CNTNAP3B: variants seen among roughly 807,000 people sequenced by gnomAD.
CNTNAP3B encodes the protein contactin associated protein family member 3B.
In CNTNAP3B, 25 loss-of-function variants were observed where a neutral mutation model predicts 108.9. The ratio of observed to expected loss-of-function variants is 0.23; its 90% CI spans 0.17 to 0.32. The LOEUF (loss-of-function observed/expected upper bound fraction) is 0.32. Ranked by LOEUF, CNTNAP3B falls within the 10% of genes least tolerant of loss-of-function variation. The pLI is 1.00. For missense variants in CNTNAP3B, 252 were observed against 1,210.4 expected (o/e 0.21, Z 11.75); for synonymous variants, 103 against 473.4 (o/e 0.22, Z 10.16).
In CNTNAP3B at chr9:42,030,750, CAGAGAGAGAGAGAGAGAG is replaced by C. The variant is rs34457074; in HGVS notation, c.391-17243_391-17226del. Among the ~76,000 whole-genome samples the C allele has an allele frequency of 5.5e-4, 33 of 60,436 alleles. 1 individual carries two copies. The highest frequency in any genetic ancestry group is 2.5e-3 in the African/African-American group (32 of 13,058). The allele number at this position is 60,436 out of a possible 152,430, so 39.6% of individuals were successfully genotyped here. A position where few individuals can be genotyped will look rare whatever the true frequency, so the allele number is the denominator to read the frequency against. On this transcript the variant is annotated intron_variant, in intron 3 of 23. Transcript: ENST00000377561. ...CGGAGAAGGGAGTGAGAAAGAGATA[CAGAGAGAGAGAGAGAGAG>C]AGAGAGAGAGAGAGAGATGTGTGCG...
intron 15 of CNTNAP3B, among the ~76,000 whole-genome samples, chr9:41,928,303 T>A (rs1823875001): frequency 1.3e-5 from 2 of 152,108 alleles, no homozygotes; most frequent in African/African-American, 4.8e-5. Context: ...ATCTCCAAAT[T>A]TCACAGGGCA....
At chr9:41,951,237 CA>C (rs1407149006) in intron 13 of CNTNAP3B, among the ~76,000 whole-genome samples, 1 of 146,244 alleles carries the variant, frequency 6.8e-6, no homozygotes, top group Non-Finnish European at 1.5e-5. Flanking sequence ...ACAATTATCT[CA>C]AAATTTTTTT....
chr9:41,924,579 G>T (rs1282363902), intron 15 of CNTNAP3B, among the ~76,000 whole-genome samples: 4 of 151,948 alleles, frequency 2.6e-5, no homozygotes, highest in African/African-American at 9.7e-5. Context: ...TCCAAGTGGA[G>T]ATTTGAAGGA....
rs1173950091 is a variant in CNTNAP3B at position 42,120,840 on chromosome 9, G to T, written c.85+8170C>A. Among the ~76,000 whole-genome samples the T allele has an allele frequency of 3.7e-5, 3 of 81,294 alleles. 1 individual carries two copies. Among genetic ancestry groups the T allele is most frequent in the African/African-American group, 1.7e-4 (3 of 17,614 alleles). The allele number at this position is 81,294 out of a possible 152,430, so 53.3% of individuals were successfully genotyped here. ...ACTGTCGCGGGGTGGGGGGAGGGGG[G>T]AGGGATAGCATTAGGAGATATACCT... On this transcript the variant is annotated intron_variant, in intron 1 of 23. Coordinates refer to ENST00000377561, the MANE Select transcript of CNTNAP3B (RefSeq NM_001201380.3).
chr9:41,937,570 A>G (rs2118055600), intron 14 of CNTNAP3B, among the ~76,000 whole-genome samples: 1 of 152,352 alleles, frequency 6.6e-6, no homozygotes, highest in South Asian at 2.1e-4. Context: ...TTTCAAGAAT[A>G]ACCTCAAAAA....
intron 18 of CNTNAP3B, among the ~76,000 whole-genome samples, chr9:41,918,247 C>T (rs1033163339): frequency 8.0e-5 from 12 of 150,526 alleles, no homozygotes; most frequent in Non-Finnish European, 3.0e-5. Context: ...GACCAACCCT[C>T]CTTCAAGGTC....
chr9:41,954,968 G>A (rs1369073720), intron 12 of CNTNAP3B, among the ~76,000 whole-genome samples: 16 of 151,758 alleles, frequency 1.1e-4, no homozygotes, highest in African/African-American at 3.4e-4. Flanking sequence ...TTACAGGTGT[G>A]AGCCACCACG....
chr9:42,073,841 A>G (rs957462028), intron 3 of CNTNAP3B, among the ~76,000 whole-genome samples: 6 of 150,348 alleles, frequency 4.0e-5, no homozygotes, highest in African/African-American at 1.5e-4. Context: ...TAGCAGTTCA[A>G]GAAACGCGAA....
intron 2 of CNTNAP3B, among the ~76,000 whole-genome samples, chr9:42,080,212 T>A: frequency 7.3e-6 from 1 of 137,188 alleles, no homozygotes; most frequent in Non-Finnish European, 1.6e-5. Flanking sequence ...TCACAGTTTG[T>A]TAGTTTGTTG....
At chr9:41,944,994 A>G (rs1422808486) in intron 13 of CNTNAP3B, among the ~76,000 whole-genome samples, 1 of 151,394 alleles carries the variant, frequency 6.6e-6, no homozygotes, top group Admixed American at 6.6e-5. Flanking sequence ...ACATTTATGC[A>G]GCCAACAGAC....
chr9:42,066,231 C>A (rs1167712066), intron 3 of CNTNAP3B, among the ~76,000 whole-genome samples: 1 of 135,526 alleles, frequency 7.4e-6, no homozygotes. Context: ...ATGTTTTAAC[C>A]TTTCTTTTCC....
chr9:41,999,675 C>A (rs1260819493), intron 4 of CNTNAP3B, among the ~76,000 whole-genome samples: 1 of 49,220 alleles, frequency 2.0e-5, no homozygotes, highest in African/African-American at 1.1e-4. Context: ...ATGGCCTTAA[C>A]ACCTCTGTTT....
intron 12 of CNTNAP3B, among the ~76,000 whole-genome samples, chr9:41,958,983 C>T (rs1414187958): frequency 1.4e-5 from 2 of 140,102 alleles, no homozygotes; most frequent in East Asian, 2.0e-4. Flanking sequence ...CCACATCAAA[C>T]ATCCAACAAT....
At chr9:42,076,767 C>A (rs1214772125) in intron 3 of CNTNAP3B, 102 bp downstream of exon 3, 1 of 724,748 alleles carries the variant, frequency 1.4e-6, no homozygotes, top group Admixed American at 3.2e-5. Context: ...AAATAGGTAT[C>A]TTACTTTCAC....
In CNTNAP3B at chr9:41,924,644, T is replaced by TGCGCGCGCGCAC. The variant is rs1482014228; in HGVS notation, c.2366-552_2366-551insGTGCGCGCGCGC. Among the ~76,000 whole-genome samples, 885 of 93,774 alleles carry TGCGCGCGCGCAC rather than the reference T, an allele frequency of 9.4e-3. 2 individuals are homozygous for TGCGCGCGCGCAC. The highest frequency in any genetic ancestry group is 0.026 in the African/African-American group (620 of 23,780). 61.5% of individuals were successfully genotyped at this position (93,774 alleles called of 152,430 possible). On this transcript the variant is annotated intron_variant, in intron 15 of 23. Coordinates refer to ENST00000377561, the MANE Select transcript of CNTNAP3B (RefSeq NM_001201380.3). ...GAACACAGACTCTTGCTTTCCTTCC[T>TGCGCGCGCGCAC]GCACACACACACACACACACACACA...
intron 17 of CNTNAP3B, among the ~76,000 whole-genome samples, chr9:41,921,537 C>T (rs1823667052): frequency 6.6e-6 from 1 of 152,062 alleles, no homozygotes; most frequent in Non-Finnish European, 1.5e-5. Flanking sequence ...TAGATTGCAT[C>T]CTTATTCGCT....
chr9:41,921,394 T>C (rs1823663526), intron 17 of CNTNAP3B, among the ~76,000 whole-genome samples: 1 of 151,908 alleles, frequency 6.6e-6, no homozygotes, highest in Non-Finnish European at 1.5e-5. Context: ...TTTTAGGAAG[T>C]CATGGTATAA....
At chr9:41,963,137 T>A (rs1295442405) in intron 11 of CNTNAP3B, among the ~76,000 whole-genome samples, 169 of 151,540 alleles carry the variant, frequency 1.1e-3, no homozygotes, top group South Asian at 7.0e-3. Context: ...TCTCATTGCA[T>A]GTATGAAGTG....
intron 3 of CNTNAP3B, among the ~76,000 whole-genome samples, chr9:42,017,268 C>A (rs1324592716): frequency 1.5e-5 from 2 of 135,488 alleles, no homozygotes; most frequent in Non-Finnish European, 3.1e-5. Context: ...CATGTGATAT[C>A]CTGGTCTGCA....
Sources: gnomAD v4.1 joint callset for allele counts (sites outside exome capture counted in the v4.1 genomes callset) on GRCh38, gnomAD v4.1.1 for gene constraint, MANE v1.5 for transcripts, NCBI Gene and HGNC (gene_info 2026-07-23, HGNC 2026-07-21) for gene names.